The following ZNF444 variants were observed in gnomAD, a reference collection of about 807,000 sequenced individuals.
ZNF444 encodes the protein zinc finger protein 444.
A neutral mutation model predicts 14.4 loss-of-function variants in ZNF444; 8 were observed. The ratio of observed to expected loss-of-function variants is 0.56; its 90% confidence interval spans 0.33 to 1.00. ZNF444 has a LOEUF of 1.00. ZNF444 is among the 50% of genes least tolerant of loss of function. The pLI is 0.03. For missense variants in ZNF444, 510 were observed against 504.8 expected (o/e 1.01, Z -0.10); for synonymous variants, 258 against 235.9 (o/e 1.09, Z -0.86).
At chr19:56,158,066 AG>A (rs1333367980) in intron 3 of ZNF444, 1 of 156,110 alleles carries the variant, frequency 6.4e-6, no homozygotes, top group African/African-American at 2.4e-5. Context: ...CTTTATCCAA[AG>A]GGCAGGACGA....
intron 3 of ZNF444, chr19:56,150,501 C>T: frequency 5.4e-6 from 2 of 371,022 alleles, no homozygotes; most frequent in Non-Finnish European, 1.0e-5. Flanking sequence ...GGGCAGATCT[C>T]AGGTTCAGAG....
chr19:56,135,818 C>T (rs550424736), intron 1 of ZNF444, among the ~76,000 whole-genome samples: 1 of 151,846 alleles, frequency 6.6e-6, no homozygotes, highest in Non-Finnish European at 1.5e-5. Flanking sequence ...GTGGCTCACA[C>T]TGGTAATCCC....
At position 56,160,140 on chromosome 19, in the gene ZNF444, A is replaced by G; in HGVS notation, c.923A>G (p.Gln308Arg). The G allele has an allele frequency of 6.8e-7, 1 of 1,481,088 alleles. No individual in the cohort carries two copies. The highest frequency in any genetic ancestry group is 8.9e-7 in the Non-Finnish European group (1 of 1,124,424). The allele number at this position is 1,481,088 out of a possible 1,614,324, so 91.7% of individuals were successfully genotyped here. Residue 308 changes from glutamine to arginine, a missense_variant, in exon 5 of 5, where the codon CAG becomes CGG. Transcript: ENST00000337080. Reference protein sequence around the residue: ...RIHGRAAASAQGAVAPGPDGG... With the variant: ...RIHGRAAASARGAVAPGPDGG... ...CACGGCCGGGCAGCGGCCAGCGCGC[A>G]GGGGGCGGTAGCTCCGGGCCCGGAT...
At chr19:56,133,584 GGGTGGATCACA>G (rs2030541767) in intron 1 of ZNF444, among the ~76,000 whole-genome samples, 11 of 147,866 alleles carry the variant, frequency 7.4e-5, no homozygotes, top group African/African-American at 2.9e-4. Flanking sequence ...AGGCCGAGAT[GGGTGGATCACA>G]AGGTCAGGAG....
chr19:56,135,097 G>A (rs1448110265), intron 1 of ZNF444, among the ~76,000 whole-genome samples: 2 of 152,112 alleles, frequency 1.3e-5, no homozygotes, highest in Admixed American at 6.6e-5. Flanking sequence ...CAGGCATGGT[G>A]GCAGGCGCCT....
upstream of ZNF444, among the ~76,000 whole-genome samples, chr19:56,140,483 C>G (rs1349433077): frequency 6.6e-6 from 1 of 152,134 alleles, no homozygotes; most frequent in African/African-American, 2.4e-5. Flanking sequence ...GCGCTGTCCC[C>G]CAATTCACCC....
intron 3 of ZNF444, 102 bp from the exon 4 acceptor site, chr19:56,158,392 C>T (rs1341530064): frequency 8.9e-7 from 1 of 1,126,660 alleles, no homozygotes; most frequent in Admixed American, 2.8e-5. Context: ...GGCTTCCTCC[C>T]AGCAGGGATG....
At chr19:56,135,433 AG>A (rs956519366) in intron 1 of ZNF444, among the ~76,000 whole-genome samples, 1 of 152,088 alleles carries the variant, frequency 6.6e-6, no homozygotes, top group African/African-American at 2.4e-5. Context: ...GCCTGGAGGT[AG>A]GGCAGGTCCA....
chr19:56,140,473 G>A (rs2030731423), upstream of ZNF444, among the ~76,000 whole-genome samples: 1 of 152,192 alleles, frequency 6.6e-6, no homozygotes, highest in African/African-American at 2.4e-5. Context: ...GTGGCAGGTA[G>A]CGCTGTCCCC....
chr19:56,141,017 A>C (rs984795772), upstream of ZNF444: 2 of 152,200 alleles, frequency 1.3e-5, no homozygotes, highest in Admixed American at 1.3e-4. Flanking sequence ...TGCGCCGTCA[A>C]GGCCAAATAG....
At chr19:56,152,752 G>A (rs1417929669) in intron 3 of ZNF444, among the ~76,000 whole-genome samples, 2 of 152,078 alleles carry the variant, frequency 1.3e-5, no homozygotes, top group Non-Finnish European at 2.9e-5. Context: ...CACAGATGGT[G>A]GCTTCCTGCT....
At chr19:56,153,944 A>G (rs1034496528) in intron 3 of ZNF444, among the ~76,000 whole-genome samples, 1 of 152,196 alleles carries the variant, frequency 6.6e-6, no homozygotes, top group African/African-American at 2.4e-5. Flanking sequence ...TCCAAACTCA[A>G]TATTTGAAAA....
intron 1 of ZNF444, among the ~76,000 whole-genome samples, chr19:56,142,626 G>A (rs1248048897): frequency 6.6e-6 from 1 of 152,220 alleles, no homozygotes; most frequent in African/African-American, 2.4e-5. Context: ...ACCGGTCTTT[G>A]TCGAGCACTT....
chr19:56,147,022 G>T lies in ZNF444; in HGVS notation c.111G>T (p.Ala37=). The T allele has an allele frequency of 2.0e-6, 3 of 1,492,616 alleles. No homozygotes were observed. Among genetic ancestry groups the T allele is most frequent in the South Asian group, 1.3e-5 (1 of 75,150 alleles). 92.5% of individuals were successfully genotyped at this position (1,492,616 alleles called of 1,614,324 possible). The part of the protein sequence containing the change: ...HLGDAPGPRE[A]LGLLRALCRD... ...GCGACGCGCCGGGCCCGCGGGAGGC[G>T]CTGGGGCTGCTCCGCGCCCTGTGCC... The change falls in exon 3 of 5, where the codon GCG becomes GCT. Residue 37 remains alanine (A), a synonymous_variant. Transcript: ENST00000337080. The surrounding 1 kb of genome is among the most constrained non-coding windows in gnomAD (Gnocchi z 5.9).
chr19:56,138,843 C>A (rs964371449), upstream of ZNF444, among the ~76,000 whole-genome samples: 1 of 133,316 alleles, frequency 7.5e-6, no homozygotes, highest in African/African-American at 2.9e-5. Context: ...GTTGCCCGGA[C>A]TGAAGTGCAG....
Position 56,145,349 on chromosome 19 carries a change from G to A in ZNF444, c.-196-898G>A, listed in dbSNP as rs1277721958. On this transcript the variant is annotated intron_variant, in intron 1 of 4. Transcript: ENST00000337080. The surrounding 1 kb of genome is among the most constrained non-coding windows in gnomAD (Gnocchi z 4.3). ...GCCGGTAATCCCAGCACTTTCGGAGGCCAAGGCAGGTGGATCACCTGAGGT... is the reference window on the plus strand; with the variant it reads ...GCCGGTAATCCCAGCACTTTCGGAGACCAAGGCAGGTGGATCACCTGAGGT... 6.6e-6 allele frequency among the ~76,000 whole-genome samples: 1 copy of A among 152,242 alleles called. No individual in the cohort carries two copies. Among genetic ancestry groups the A allele is most frequent in the East Asian group, 1.9e-4 (1 of 5,198 alleles).
chr19:56,142,095 A>G (rs1464218614), intron 1 of ZNF444, among the ~76,000 whole-genome samples: 1 of 152,134 alleles, frequency 6.6e-6, no homozygotes, highest in Non-Finnish European at 1.5e-5. Context: ...ACCCTCCTCT[A>G]TATCCGATTT....
intron 1 of ZNF444, among the ~76,000 whole-genome samples, chr19:56,133,228 A>C (rs1446885822): frequency 6.6e-6 from 1 of 150,720 alleles, no homozygotes; most frequent in African/African-American, 2.4e-5. Flanking sequence ...GCACACCACC[A>C]TGCCCGGCTA....
intron 3 of ZNF444, chr19:56,156,467 A>C (rs1407969973): frequency 4.6e-5 from 7 of 152,228 alleles, no homozygotes; most frequent in Non-Finnish European, 1.5e-5. Context: ...TCTTTCCTCC[A>C]GGGTAGGGGC....
Sources: gnomAD v4.1 joint callset for allele counts (sites outside exome capture counted in the v4.1 genomes callset) on GRCh38, gnomAD v4.1.1 for gene constraint, Gnocchi (gnomAD v3.1) non-coding constraint, MANE v1.5 for transcripts, NCBI Gene and HGNC (gene_info 2026-07-23, HGNC 2026-07-21) for gene names.